Variants in BRCA1 observed in about 807,000 individuals in gnomAD.
BRCA1 encodes BRCA1 DNA repair associated.
Under a neutral mutation model 173.7 loss-of-function variants are expected in BRCA1, and 140 were observed. The ratio of observed to expected loss-of-function variants is 0.81; its 90% CI spans 0.70 to 0.93. The LOEUF (loss-of-function observed/expected upper bound fraction) is 0.93. Ranked by LOEUF, BRCA1 falls within the 40% of genes least tolerant of loss-of-function variation. BRCA1 has a pLI of 0.00. For missense variants in BRCA1, 1,983 were observed against 2,172.5 expected (o/e 0.91, Z 1.73); for synonymous variants, 662 against 756.0 (o/e 0.88, Z 2.04).
Position 43,100,684 on chromosome 17 carries a change from T to TATAACATATATATATATATATATA in BRCA1, c.442-805_442-804insTATATATATATATATATATGTTAT, listed in dbSNP as rs1555595423. ...TATATATATATATATATATAATATA[T>TATAACATATATATATATATATATA]ATATATATATATATATATGTAATCC... On this transcript the variant is annotated intron_variant, in intron 6 of 22. Coordinates refer to ENST00000357654, the MANE Select transcript of BRCA1 (RefSeq NM_007294.4). 2.5e-3 allele frequency among the ~76,000 whole-genome samples: 32 copies of TATAACATATATATATATATATATA among 12,554 alleles called. 3 individuals carry two copies. Among genetic ancestry groups the TATAACATATATATATATATATATA allele is most frequent in the African/African-American group, 6.4e-3 (30 of 4,682 alleles). The allele number at this position is 12,554 out of a possible 152,430, so 8.2% of individuals were successfully genotyped here.
chr17:43,067,758 G>C (rs2052197985), intron 15 of BRCA1, 63 bp from the exon 16 acceptor site: 11 of 1,294,328 alleles, frequency 8.5e-6, no homozygotes, highest in Non-Finnish European at 1.1e-5. Context: ...CAGAATACTA[G>C]TTATTCCACC....
At chr17:43,141,799 G>GC (rs1443810268) in intron 1 of BRCA1, among the ~76,000 whole-genome samples, 2 of 149,532 alleles carry the variant, frequency 1.3e-5, no homozygotes, top group African/African-American at 2.5e-5. Context: ...GCGACAGACC[G>GC]AAAAAAAAAA....
At chr17:43,059,514 A>AAC (rs776483189) in intron 18 of BRCA1, among the ~76,000 whole-genome samples, 1 of 150,932 alleles carries the variant, frequency 6.6e-6, no homozygotes, top group Non-Finnish European at 1.5e-5. Flanking sequence ...CAACAACAAC[A>AAC]AATTCTCACA....
rs539491990 is a variant in BRCA1 at position 43,135,890 on chromosome 17, G to A, written c.-19-11775C>T. Among the ~76,000 whole-genome samples the A allele has an allele frequency of 1.4e-4, 21 of 152,272 alleles. No individual in the cohort carries two copies. In the East Asian group the frequency reaches 3.9e-3, roughly 28 times the overall value. On this transcript the variant is annotated intron_variant, in intron 1 of 7. Coordinates refer to the BRCA1 transcript ENST00000634433. ...GCGGTCCCGCCTCCCATCCCCAGGC[G>A]CCCGGCCTCTCACACCCTCAGCACC...
chr17:43,161,927 G>A (rs866265001), intron 1 of BRCA1: 2 of 152,164 alleles, frequency 1.3e-5, no homozygotes, highest in Non-Finnish European at 2.9e-5. Flanking sequence ...TGGAAATTCT[G>A]TTATTGGCAC....
chr17:43,077,087 A>C lies in BRCA1; in HGVS notation c.4358-473T>G, dbSNP rs1401002754. Among the ~76,000 whole-genome samples, 2 of 152,156 alleles carry C rather than the reference A, an allele frequency of 1.3e-5. No homozygotes were observed. Among genetic ancestry groups the C allele is most frequent in the Admixed American group, 1.3e-4 (2 of 15,274 alleles). ...ATGAAATGGGGATTTCAGCTTCTGCATGTCGGGGGTAAACAAGACATGAGT... is the reference window on the plus strand; with the variant it reads ...ATGAAATGGGGATTTCAGCTTCTGCCTGTCGGGGGTAAACAAGACATGAGT... On this transcript the variant is annotated intron_variant, in intron 12 of 22. Coordinates refer to ENST00000357654, the MANE Select transcript of BRCA1 (RefSeq NM_007294.4).
Position 43,071,223 on chromosome 17 carries a change from A to G in BRCA1, c.4691T>C (p.Leu1564Pro), listed in dbSNP as rs56119278. 168 of 1,614,174 alleles carry G rather than the reference A, an allele frequency of 1.0e-4. 1 individual carries two copies. The African/African-American group carries it at 2.1e-3, about 21-fold the overall frequency. ...PRQDLEGTPY[L>P]ESGISLFSDD... Reference sequence around the variant, plus strand: ...AGAGAAGAGGCTGATTCCAGATTCCAGGTAAGGGGTTCCCTCTGAAAGGAA... The same window carrying G: ...AGAGAAGAGGCTGATTCCAGATTCCGGGTAAGGGGTTCCCTCTGAAAGGAA... Residue 1564 changes from leucine to proline, a missense_variant, in exon 15 of 23, where the codon CTG (leucine) becomes CCG (proline). Transcript: ENST00000357654.
intron 1 of BRCA1, among the ~76,000 whole-genome samples, chr17:43,147,694 A>G (rs1257660819): frequency 6.6e-6 from 1 of 152,236 alleles, no homozygotes; most frequent in Non-Finnish European, 1.5e-5. Flanking sequence ...CTGTTTGCTC[A>G]GTTCTAGGAT....
At chr17:43,107,608 C>A (rs2154557124) in intron 3 of BRCA1, among the ~76,000 whole-genome samples, 1 of 152,214 alleles carries the variant, frequency 6.6e-6, no homozygotes, top group African/African-American at 2.4e-5. Flanking sequence ...TCAAATTGAT[C>A]CATCTGCCTT....
At chr17:43,114,630 T>C (rs1369055747) in intron 3 of BRCA1, among the ~76,000 whole-genome samples, 1 of 152,096 alleles carries the variant, frequency 6.6e-6, no homozygotes, top group East Asian at 1.9e-4. Flanking sequence ...ATCATTGTGG[T>C]TGTCTGGGGA....
intron 1 of BRCA1, 23 bp downstream of exon 1, chr17:43,125,248 T>C (rs746498642): frequency 2.2e-6 from 1 of 455,956 alleles, no homozygotes; most frequent in Non-Finnish European, 4.4e-6. Flanking sequence ...GGGCCCCCTG[T>C]CCCTTTCCCG....
At chr17:43,119,746 C>T (rs532348328) in intron 2 of BRCA1, among the ~76,000 whole-genome samples, 2 of 152,216 alleles carry the variant, frequency 1.3e-5, no homozygotes, top group Admixed American at 6.5e-5. Flanking sequence ...AGAAATTCTC[C>T]GTAAAAGAAA....
intron 5 of BRCA1, 138 bp from the exon 6 acceptor site, chr17:43,104,399 T>A (rs2054649187): frequency 3.0e-6 from 3 of 1,012,080 alleles, no homozygotes; most frequent in South Asian, 1.7e-5. Flanking sequence ...TGATTTTTTT[T>A]AAAAATCAAA....
chr17:43,099,101 GCGTGAGCCACTGCGC>G (rs1394128965), intron 7 of BRCA1, among the ~76,000 whole-genome samples: 2 of 151,468 alleles, frequency 1.3e-5, no homozygotes, highest in African/African-American at 4.9e-5. Flanking sequence ...GGGATTACAG[GCGTGAGCCACTGCGC>G]CTGGCAATTC....
Position 43,094,395 on chromosome 17 carries a change from ATGCTG to A in BRCA1, c.1131_1135del (p.Ile379GlufsTer3). 1 of 1,614,168 alleles carries A rather than the reference ATGCTG, an allele frequency of 6.2e-7. No individual in the cohort carries two copies. The highest frequency in any genetic ancestry group is 1.1e-5 in the South Asian group (1 of 91,084). ...GGAAAACCACTCATTAACTTTCTGA[ATGCTG>A]CTATTTAGTGTTATCCAAGGAACAT... On this transcript the variant is annotated frameshift_variant, in exon 10 of 23. Transcript: ENST00000357654. LOFTEE classifies it high-confidence loss of function.
At chr17:43,052,013 G>T (rs1166854134) in intron 19 of BRCA1, among the ~76,000 whole-genome samples, 1 of 152,012 alleles carries the variant, frequency 6.6e-6, no homozygotes, top group Non-Finnish European at 1.5e-5. Flanking sequence ...GTATCTTTAG[G>T]CCACCTAAGC....
intron 15 of BRCA1, 55 bp from the exon 16 acceptor site, chr17:43,067,750 G>T (rs2153723503): frequency 7.3e-7 from 1 of 1,361,304 alleles, no homozygotes. Context: ...ACACAGCTCA[G>T]AATACTAGTT....
At chr17:43,159,362 G>A (rs949576492) in intron 1 of BRCA1, 38 of 158,484 alleles carry the variant, frequency 2.4e-4, no homozygotes, top group Admixed American at 1.3e-4. Flanking sequence ...TGGCCTGGCA[G>A]GGGCTGACCC....
intron 1 of BRCA1, chr17:43,159,814 G>A: frequency 6.3e-6 from 1 of 157,944 alleles, no homozygotes; most frequent in Non-Finnish European, 1.4e-5. Context: ...ATCCCCCTCT[G>A]GGAGAAACAC....
Sources: allele counts gnomAD v4.1 joint callset (sites outside exome capture counted in the v4.1 genomes callset), GRCh38; gene constraint gnomAD v4.1.1; transcripts MANE v1.5; gene names NCBI Gene and HGNC (gene_info 2026-07-23, HGNC 2026-07-21).